The following COL17A1 variants were observed in gnomAD, a reference collection of about 807,000 sequenced individuals.
The protein encoded by COL17A1 is collagen alpha-1(XVII) chain.
A neutral mutation model predicts 218.4 loss-of-function variants in COL17A1; 181 were observed. That is an observed-to-expected ratio of 0.83 (90% CI 0.73 to 0.94). COL17A1 has a LOEUF of 0.94. Ranked by LOEUF, COL17A1 falls within the 40% of genes least tolerant of loss-of-function variation. The probability of loss-of-function intolerance (pLI) is 0.00; values close to 1 mark genes in which losing one functional copy is unlikely to be tolerated. For missense variants in COL17A1, 1,924 were observed against 1,945.9 expected (o/e 0.99, Z 0.21); for synonymous variants, 721 against 731.0 (o/e 0.99, Z 0.22).
intron 2 of COL17A1, 132 bp downstream of exon 2, chr10:104,080,490 G>T: frequency 1.9e-6 from 2 of 1,038,516 alleles, no homozygotes; most frequent in Non-Finnish European, 2.8e-6. Context: ...AAGGATTAAA[G>T]TCCATTTAGG....
In COL17A1 at chr10:104,055,976, C is replaced by G; in HGVS notation, c.1493G>C (p.Arg498Pro). The G allele has an allele frequency of 6.2e-7, 1 of 1,614,180 alleles. No homozygotes were observed. Among genetic ancestry groups the G allele is most frequent in the Admixed American group, 1.7e-5 (1 of 60,028 alleles). ...CCTGATCCTCTCCAGCTCATCCACA[C>G]GCGCCTTCAGCTTCCTCACCTCCTC... ...LAEEVRKLKA[R>P]VDELERIRRS... is the part of the protein sequence containing the mutation. Residue 498 changes from arginine to proline, a missense_variant, in exon 18 of 56, where the codon CGT (arginine) becomes CCT (proline). Physicochemically the swap from Arg to Pro is moderately radical, Grantham distance 103. Coordinates refer to ENST00000648076, the MANE Select transcript of COL17A1 (RefSeq NM_000494.4).
chr10:104,079,246 C>T (rs1432985885), intron 2 of COL17A1, among the ~76,000 whole-genome samples: 1 of 152,136 alleles, frequency 6.6e-6, no homozygotes, highest in Non-Finnish European at 1.5e-5. Context: ...GAATCCATCA[C>T]TCATGCTCTG....
At chr10:104,040,126 C>T (rs147728508) in intron 40 of COL17A1, 127 bp from the exon 41 acceptor site, 9 of 1,160,560 alleles carry the variant, frequency 7.8e-6, no homozygotes, top group Middle Eastern at 2.0e-4. Flanking sequence ...TTCCTTGTGC[C>T]TCTCCTCTCA....
In COL17A1 at chr10:104,034,293, G is replaced by A; in HGVS notation, c.3808C>T (p.Pro1270Ser). 1 of 1,581,706 alleles carries A rather than the reference G, an allele frequency of 6.3e-7. No homozygotes were observed. Among genetic ancestry groups the A allele is most frequent in the Non-Finnish European group, 8.6e-7 (1 of 1,167,406 alleles). The stretch of plus-strand genomic sequence containing the variant: ...TCCCCAGGGGGTCCCTGCGGCCCAG[G>A]AGGGCCTGGGGGGCCAACAATGAAG... ...RSFIVGPPGPPGPQGPPGDSR... is the reference protein window; with the variant it reads ...RSFIVGPPGPSGPQGPPGDSR... Residue 1270 changes from proline to serine, a missense_variant, in exon 52 of 56, where the codon CCT (proline) becomes TCT (serine). By Grantham distance (74) the Pro-to-Ser change is moderately conservative. Transcript: ENST00000648076.
At chr10:104,071,885 A>T in intron 8 of COL17A1, 147 bp downstream of exon 8, 1 of 1,344,254 alleles carries the variant, frequency 7.4e-7, no homozygotes, top group South Asian at 1.3e-5. Flanking sequence ...TTCACAGAAG[A>T]CCCTTAAAGA....
chr10:104,037,204 C>T lies in COL17A1; in HGVS notation c.3209-91G>A, dbSNP rs947176958. 3 of 1,223,382 alleles carry T rather than the reference C, an allele frequency of 2.5e-6. No individual in the cohort carries two copies. The African/African-American group carries it at 4.5e-5, about 18-fold the overall frequency. The allele number at this position is 1,223,382 out of a possible 1,614,324, so 75.8% of individuals were successfully genotyped here. On this transcript the variant is annotated intron_variant, in intron 46 of 55. Transcript: ENST00000648076. The stretch of plus-strand genomic sequence containing the variant: ...GAATCTGAAAGGCCCGGTCACCGAG[C>T]TGTTTGTCTTTGGGGGAAGTGGATG...
intron 44 of COL17A1, among the ~76,000 whole-genome samples, 199 bp downstream of exon 44, chr10:104,038,872 T>G (rs1025818029): frequency 1.3e-5 from 2 of 152,202 alleles, no homozygotes; most frequent in African/African-American, 4.8e-5. Context: ...TATCATTATA[T>G]GTACCTGGGT....
At position 104,050,603 on chromosome 10, in the gene COL17A1, C is replaced by A; in HGVS notation, c.2128+18G>T. 6.2e-7 allele frequency: 1 copy of A among 1,612,884 alleles called. No individual in the cohort carries two copies. Among genetic ancestry groups the A allele is most frequent in the Non-Finnish European group, 8.5e-7 (1 of 1,180,032 alleles). On this transcript the variant is annotated intron_variant, in intron 27 of 55. Coordinates refer to ENST00000648076, the MANE Select transcript of COL17A1 (RefSeq NM_000494.4). ...GAGGCAGGCCCTGGTAATGACAGAG[C>A]AGCAGTGAGTGGCATACCTTTGGGT... is the stretch of plus-strand genomic sequence containing the variant.
chr10:104,032,734 G>A lies in COL17A1; in HGVS notation c.4378C>T (p.Pro1460Ser). The A allele has an allele frequency of 6.2e-7, 1 of 1,614,172 alleles. No individual in the cohort carries two copies. The highest frequency in any genetic ancestry group is 1.3e-5 in the African/African-American group (1 of 75,062). Residue 1460 changes from proline (P) to serine (S), a missense_variant, in exon 55 of 56, where the codon CCA becomes TCA. Transcript: ENST00000648076. ...CCAGGTGGCCCAGGATGACCTGGTG[G>A]CCCAGCAGGGCCCCTGTCACCTGGA... Reference protein sequence around the residue: ...GPKGDRGPAGPPGHPGPPGPR... With the variant: ...GPKGDRGPAGSPGHPGPPGPR...
chr10:104,055,649 G>T, intron 18 of COL17A1, 133 bp downstream of exon 18: 1 of 1,325,166 alleles, frequency 7.5e-7, no homozygotes, highest in Non-Finnish European at 1.0e-6. Flanking sequence ...CAGCGCTATT[G>T]AGAGGATCAG....
chr10:104,060,042 C>G (rs1325521408), intron 14 of COL17A1, 77 bp downstream of exon 14: 2 of 1,604,944 alleles, frequency 1.2e-6, no homozygotes, highest in African/African-American at 1.3e-5. Flanking sequence ...GGGTCCCAAA[C>G]CACCTTGCTA....
At position 104,074,195 on chromosome 10, in the gene COL17A1, C is replaced by A. The variant is rs775277648; in HGVS notation, c.368G>T (p.Arg123Leu). The A allele has an allele frequency of 6.2e-7, 1 of 1,614,162 alleles. No homozygotes were observed. Among genetic ancestry groups the A allele is most frequent in the Admixed American group, 1.7e-5 (1 of 60,024 alleles). The part of the protein sequence containing the change: ...SSGNSSPEYP[R>L]KEFASSSTRG... ...AGGAGAGGACATACCAAATTCCTTC[C>A]GAGGGTACTCCGGAGAAGAGTTGCC... The change falls in exon 6 of 56, where the codon CGG becomes CTG. Residue 123 changes from arginine (R) to leucine (L), a missense_variant. Transcript: ENST00000648076.
At chr10:104,073,070 C>T in intron 7 of COL17A1, 140 bp downstream of exon 7, 1 of 810,376 alleles carries the variant, frequency 1.2e-6, no homozygotes, top group Non-Finnish European at 2.2e-6. Context: ...CCAGGATACT[C>T]TAAGCTCCTC....
chr10:104,058,795 G>T (rs996771108), intron 15 of COL17A1, among the ~76,000 whole-genome samples: 5 of 152,088 alleles, frequency 3.3e-5, no homozygotes, highest in Admixed American at 2.6e-4. Context: ...TTAGCTGGAT[G>T]TGGTGGCACA....
At chr10:104,055,202 T>C in intron 19 of COL17A1, 170 bp downstream of exon 19, 1 of 1,428,372 alleles carries the variant, frequency 7.0e-7, no homozygotes, top group Non-Finnish European at 9.7e-7. Context: ...CTGCCTTATC[T>C]AAGATATTCT....
intron 53 of COL17A1, 36 bp from the exon 54 acceptor site, chr10:104,033,004 G>T (rs752679841): frequency 1.2e-6 from 2 of 1,605,996 alleles, no homozygotes; most frequent in Non-Finnish European, 1.7e-6. Flanking sequence ...TTAGAGTCTT[G>T]ATCACCTGGA....
At chr10:104,083,886 A>G (rs560290062) in intron 1 of COL17A1, among the ~76,000 whole-genome samples, 46 of 152,346 alleles carry the variant, frequency 3.0e-4, no homozygotes, top group African/African-American at 1.1e-3. Flanking sequence ...GTATTTTTAT[A>G]GCTTCTATTA....
At chr10:104,035,919 TGA>T (rs2086281029) in intron 48 of COL17A1, among the ~76,000 whole-genome samples, 2 of 30,040 alleles carry the variant, frequency 6.7e-5, no homozygotes, top group Admixed American at 9.6e-4. Context: ...GGAGTGTGTA[TGA>T]GTGTGTGTGT....
Position 104,038,231 on chromosome 10 carries a change from TACAC to T in COL17A1, c.3070+171_3070+174del, listed in dbSNP as rs59808906. On this transcript the variant is annotated intron_variant, in intron 45 of 55. Coordinates refer to ENST00000648076, the MANE Select transcript of COL17A1 (RefSeq NM_000494.4). ...CTGGGCCTGGACACATAGACACACATACACACACACACACACACACACACACACA... is the reference window on the plus strand; with the variant it reads ...CTGGGCCTGGACACATAGACACACATACACACACACACACACACACACACA... 0.031 allele frequency among the ~76,000 whole-genome samples: 4,355 copies of T among 141,878 alleles called. 84 individuals are homozygous for T. Among genetic ancestry groups the T allele is most frequent in the African/African-American group, 0.063 (2,386 of 37,962 alleles). The allele number at this position is 141,878 out of a possible 152,430, so 93.1% of individuals were successfully genotyped here. A position where few individuals can be genotyped will look rare whatever the true frequency, so the allele number is the denominator to read the frequency against.
Sources: allele counts gnomAD v4.1 joint callset (sites outside exome capture counted in the v4.1 genomes callset), GRCh38; gene constraint gnomAD v4.1.1; transcripts MANE v1.5; gene names NCBI Gene and HGNC (gene_info 2026-07-23, HGNC 2026-07-21).